Variants in GGACT observed in about 807,000 individuals in gnomAD.
GGACT encodes the protein gamma-glutamylaminecyclotransferase.
For missense variants in GGACT, 241 were observed against 233.2 expected (o/e 1.03, Z -0.22); for synonymous variants, 118 against 115.3 (o/e 1.02, Z -0.15).
At chr13:100,547,283 C>G (rs1434383392) in intron 2 of GGACT, among the ~76,000 whole-genome samples, 1 of 152,176 alleles carries the variant, frequency 6.6e-6, no homozygotes, top group African/African-American at 2.4e-5. Flanking sequence ...ACTCACCTCC[C>G]GGGACAGCAC....
chr13:100,532,040 C>T lies in GGACT; in HGVS notation c.*90G>A. 1.1e-6 allele frequency: 1 copy of T among 879,858 alleles called. No individual in the cohort carries two copies. Among genetic ancestry groups the T allele is most frequent in the Non-Finnish European group, 1.6e-6 (1 of 625,564 alleles). The allele number at this position is 879,858 out of a possible 1,614,324, so 54.5% of individuals were successfully genotyped here. On this transcript the variant is annotated 3_prime_UTR_variant, in exon 3 of 3. Coordinates refer to ENST00000683975, the MANE Select transcript of GGACT (RefSeq NM_001195087.2). ...TTCCGGCAGATTCATTGGAAAGGGC[C>T]CTGTTCGGCTTCCGCCTTCACCCAG...
chr13:100,551,012 C>T (rs138942699), intron 2 of GGACT, among the ~76,000 whole-genome samples: 1,536 of 152,252 alleles, frequency 0.01, 15 homozygotes, highest in Non-Finnish European at 0.015. Flanking sequence ...AGGCCGGGCG[C>T]GGTGGCTCAT....
Position 100,534,763 on chromosome 13 carries a change from A to G in GGACT, c.-10-2162T>C, listed in dbSNP as rs1042651742. ...CTCTCCTCCTCCAATGCCTGCCTGC[A>G]TCCCTGTTGTCTTTGTTCCCCTGGA... On this transcript the variant is annotated intron_variant, in intron 2 of 2. Coordinates refer to ENST00000683975, the MANE Select transcript of GGACT (RefSeq NM_001195087.2). The surrounding 1 kb of genome is among the most constrained non-coding windows in gnomAD (Gnocchi z 4.9). 2.0e-5 allele frequency among the ~76,000 whole-genome samples: 3 copies of G among 151,592 alleles called. No individual in the cohort carries two copies. The highest frequency in any genetic ancestry group is 4.9e-5 in the African/African-American group (2 of 41,210).
rs947830880 is a variant in GGACT, at chr13:100,530,326, C to T, written c.*1804G>A. 3 of 686,796 alleles carry T rather than the reference C, an allele frequency of 4.4e-6. No individual in the cohort carries two copies. The highest frequency in any genetic ancestry group is 1.8e-5 in the African/African-American group (1 of 56,252). The allele number at this position is 686,796 out of a possible 1,614,324, so 42.5% of individuals were successfully genotyped here. A position where few individuals can be genotyped will look rare whatever the true frequency, so the allele number is the denominator to read the frequency against. ...CAAGACCAATATTCTGCCAAAAAAT[C>T]ACCAATGGAAATTTTCATTGATATA... On this transcript the variant is annotated 3_prime_UTR_variant, in exon 3 of 3. Coordinates refer to ENST00000683975, the MANE Select transcript of GGACT (RefSeq NM_001195087.2).
chr13:100,543,730 T>C (rs184809506), intron 2 of GGACT, among the ~76,000 whole-genome samples: 1 of 152,336 alleles, frequency 6.6e-6, no homozygotes, highest in East Asian at 1.9e-4. Context: ...TAGACTTGGG[T>C]AGCATGAAGC....
chr13:100,542,385 C>G (rs548899412), intron 2 of GGACT, among the ~76,000 whole-genome samples: 1 of 152,330 alleles, frequency 6.6e-6, no homozygotes, highest in African/African-American at 2.4e-5. Context: ...CTTAACAGAT[C>G]CAGTCCACGA....
At position 100,532,288 on chromosome 13, in the gene GGACT, C is replaced by T. The variant is rs1051580229; in HGVS notation, c.304G>A (p.Ala102Thr). 44 of 1,539,594 alleles carry T rather than the reference C, an allele frequency of 2.9e-5. No individual in the cohort carries two copies. The highest frequency in any genetic ancestry group is 3.6e-5 in the Non-Finnish European group (41 of 1,138,452). Residue 102 changes from alanine (A) to threonine (T), a missense_variant, in exon 3 of 3, where the codon GCC becomes ACC. Ala to Thr is a moderately conservative substitution (Grantham distance 58). Coordinates refer to ENST00000683975, the MANE Select transcript of GGACT (RefSeq NM_001195087.2). Reference sequence around the variant, plus strand: ...GCTGGCGGCTCCTCTGCGCCCGGGGCCCGGTCCTCCAGCAGCTGTACCCGC... The same window carrying T: ...GCTGGCGGCTCCTCTGCGCCCGGGGTCCGGTCCTCCAGCAGCTGTACCCGC... The part of the protein sequence containing the change: ...VLRVQLLEDR[A>T]PGAEEPPAPT...
chr13:100,586,031 A>G (rs71439668), intron 1 of GGACT, among the ~76,000 whole-genome samples: 397 of 152,204 alleles, frequency 2.6e-3, no homozygotes, highest in Non-Finnish European at 4.6e-3. Flanking sequence ...TCTTGTCTGG[A>G]TGTGGATTCA....
chr13:100,558,182 C>CA lies in GGACT; in HGVS notation c.-10-25582dup, dbSNP rs35098533. Among the ~76,000 whole-genome samples the CA allele has an allele frequency of 8.0e-3, 908 of 113,568 alleles. 4 individuals carry two copies. The highest frequency in any genetic ancestry group is 0.02 in the African/African-American group (621 of 30,956). 74.5% of individuals were successfully genotyped at this position (113,568 alleles called of 152,430 possible). On this transcript the variant is annotated intron_variant, in intron 2 of 2. Transcript: ENST00000683975. ...GCAAGAGGAACGAAAAACTCCATCT[C>CA]AAAAAAAAAAAAAAAAAAAGTGGGC...
In GGACT at chr13:100,531,033, C is replaced by T. The variant is rs1377126451; in HGVS notation, c.*1097G>A. ...TTGTGCCAGATGCAGTTAGCGATCA[C>T]AGTCTGCCATTAAGTTGAAGAGTAA... On this transcript the variant is annotated 3_prime_UTR_variant, in exon 3 of 3. Coordinates refer to ENST00000683975, the MANE Select transcript of GGACT (RefSeq NM_001195087.2). 1.3e-5 allele frequency: 2 copies of T among 152,254 alleles called. No individual in the cohort carries two copies. The highest frequency in any genetic ancestry group is 4.8e-5 in the African/African-American group (2 of 41,458). The allele number at this position is 152,254 out of a possible 1,614,324, so 9.4% of individuals were successfully genotyped here.
chr13:100,571,153 A>C (rs1420854018), intron 2 of GGACT, among the ~76,000 whole-genome samples: 1 of 152,204 alleles, frequency 6.6e-6, no homozygotes, highest in Non-Finnish European at 1.5e-5. Flanking sequence ...AAAAGGGAAG[A>C]TAACAGTGTC....
intron 2 of GGACT, among the ~76,000 whole-genome samples, chr13:100,543,747 C>T (rs573710267): frequency 2.0e-5 from 3 of 152,130 alleles, no homozygotes; most frequent in Non-Finnish European, 4.4e-5. Context: ...AAGCTCAGGC[C>T]CCTGCCAGAG....
intron 2 of GGACT, among the ~76,000 whole-genome samples, chr13:100,566,950 T>C (rs574300987): frequency 1.3e-5 from 2 of 152,368 alleles, no homozygotes; most frequent in South Asian, 4.1e-4. Flanking sequence ...TGCCTGTCTT[T>C]GGCATTCACG....
rs1485645497 is a variant in GGACT, at chr13:100,565,950, C to T, written c.-11+17875G>A. ...CGGCTTCTGTCCTGGGAGCTCTCTG[C>T]CGCTCTCAGATCCCCTACTGTGAAG... is the stretch of plus-strand genomic sequence containing the variant. On this transcript the variant is annotated intron_variant, in intron 2 of 2. Coordinates refer to ENST00000683975, the MANE Select transcript of GGACT (RefSeq NM_001195087.2). Among the ~76,000 whole-genome samples the T allele has an allele frequency of 2.0e-5, 3 of 152,210 alleles. No individual in the cohort carries two copies. The East Asian group carries it at 5.8e-4, about 29-fold the overall frequency.
chr13:100,543,697 T>C (rs2088576398), intron 2 of GGACT, among the ~76,000 whole-genome samples: 2 of 152,144 alleles, frequency 1.3e-5, no homozygotes, highest in South Asian at 4.1e-4. Context: ...GTTAAGACTT[T>C]GTTAGAAAAA....
intron 2 of GGACT, among the ~76,000 whole-genome samples, chr13:100,548,932 A>T (rs896047207): frequency 6.6e-6 from 1 of 152,290 alleles, no homozygotes; most frequent in African/African-American, 2.4e-5. Context: ...AGCATGAATT[A>T]GTCAAAGTAT....
intron 2 of GGACT, among the ~76,000 whole-genome samples, chr13:100,547,558 G>A (rs559797662): frequency 2.7e-4 from 41 of 152,288 alleles, no homozygotes; most frequent in African/African-American, 4.8e-4. Flanking sequence ...ACTCGTGTGC[G>A]TTCTTGTCGG....
At chr13:100,544,804 C>G (rs763320147) in intron 2 of GGACT, among the ~76,000 whole-genome samples, 1 of 152,216 alleles carries the variant, frequency 6.6e-6, no homozygotes, top group African/African-American at 2.4e-5. Context: ...TGACCAACAA[C>G]GCAGACATGA....
intron 2 of GGACT, among the ~76,000 whole-genome samples, chr13:100,574,271 A>C (rs1035353366): frequency 7.2e-5 from 11 of 152,212 alleles, no homozygotes; most frequent in African/African-American, 2.7e-4. Context: ...TAACTGAATT[A>C]ACACGGGAGC....
Sources: gnomAD v4.1 joint callset for allele counts (sites outside exome capture counted in the v4.1 genomes callset) on GRCh38, gnomAD v4.1.1 for gene constraint, Gnocchi (gnomAD v3.1) non-coding constraint, MANE v1.5 for transcripts, NCBI Gene and HGNC (gene_info 2026-07-23, HGNC 2026-07-21) for gene names.